HEATR3: variants seen among roughly 807,000 people sequenced by gnomAD.
HEATR3 encodes HEAT repeat containing 3.
Under a neutral mutation model 72.8 loss-of-function variants are expected in HEATR3, and 56 were observed. The observed-to-expected ratio is 0.77, with a 90% CI of 0.62 to 0.96. HEATR3 has a LOEUF of 0.96. Ranked by LOEUF, HEATR3 falls within the 40% of genes least tolerant of loss-of-function variation. The pLI is 0.00. For missense variants in HEATR3, 747 were observed against 831.4 expected (o/e 0.90, Z 1.25); for synonymous variants, 331 against 318.1 (o/e 1.04, Z -0.43).
At chr16:50,100,630 G>C (rs2037345330) in intron 13 of HEATR3, 1 of 422,356 alleles carries the variant, frequency 2.4e-6, no homozygotes, top group African/African-American at 2.1e-5. Context: ...AAATAAATCT[G>C]TCTTTAGTGA....
Position 50,066,065 on chromosome 16 carries a change from G to C in HEATR3, c.-67G>C. The C allele has an allele frequency of 1.3e-6, 2 of 1,511,792 alleles. No homozygotes were observed. The highest frequency in any genetic ancestry group is 1.8e-6 in the Non-Finnish European group (2 of 1,126,484). 93.6% of individuals were successfully genotyped at this position (1,511,792 alleles called of 1,614,324 possible). A position where few individuals can be genotyped will look rare whatever the true frequency, so the allele number is the denominator to read the frequency against. On this transcript the variant is annotated 5_prime_UTR_variant, in exon 1 of 15. Transcript: ENST00000299192. ...AGCAGCAACGGACCTTGTTAACGGCGCGGCAGCCTCCACCGCCTGCTGTTG... is the reference window on the plus strand; with the variant it reads ...AGCAGCAACGGACCTTGTTAACGGCCCGGCAGCCTCCACCGCCTGCTGTTG...
chr16:50,094,038 C>T (rs1299284687), intron 11 of HEATR3, among the ~76,000 whole-genome samples: 1 of 152,170 alleles, frequency 6.6e-6, no homozygotes, highest in Non-Finnish European at 1.5e-5. Context: ...ATACAGTCTA[C>T]CACACCAAGC....
At chr16:50,089,829 C>T (rs1475467137) in intron 11 of HEATR3, among the ~76,000 whole-genome samples, 5 of 151,884 alleles carry the variant, frequency 3.3e-5, no homozygotes, top group Non-Finnish European at 4.4e-5. Flanking sequence ...CCAATGCGCC[C>T]AGCTAATTTT....
chr16:50,092,436 C>CTTTTTT (rs375532097), intron 11 of HEATR3, among the ~76,000 whole-genome samples: 35 of 106,024 alleles, frequency 3.3e-4, no homozygotes, highest in African/African-American at 1.1e-3. Context: ...TTTCTTTTTT[C>CTTTTTT]TTTTTTTTTT....
intron 12 of HEATR3, among the ~76,000 whole-genome samples, chr16:50,099,767 A>G (rs373633423): frequency 6.0e-4 from 92 of 152,340 alleles, no homozygotes; most frequent in African/African-American, 1.9e-3. Flanking sequence ...TATCCACTAC[A>G]TGGTAGAAGC....
At chr16:50,101,623 T>C (rs2037367716) in intron 13 of HEATR3, among the ~76,000 whole-genome samples, 1 of 152,354 alleles carries the variant, frequency 6.6e-6, no homozygotes, top group Non-Finnish European at 1.5e-5. Context: ...TTGTCCAATA[T>C]AGTGTCCAAA....
intron 12 of HEATR3, 68 bp downstream of exon 12, chr16:50,094,861 C>A: frequency 1.3e-6 from 1 of 798,336 alleles, no homozygotes; most frequent in Non-Finnish European, 2.0e-6. Context: ...AAATTCATTA[C>A]TTCACTATTT....
intron 11 of HEATR3, among the ~76,000 whole-genome samples, chr16:50,092,648 A>G (rs573421023): frequency 6.6e-6 from 1 of 151,450 alleles, no homozygotes; most frequent in East Asian, 2.0e-4. Flanking sequence ...TCACCGTGTT[A>G]GCCAGGGATG....
intron 11 of HEATR3, among the ~76,000 whole-genome samples, chr16:50,089,942 G>A (rs2037072571): frequency 1.3e-5 from 2 of 152,122 alleles, no homozygotes; most frequent in South Asian, 4.2e-4. Context: ...TGGGATTACA[G>A]GCATGAGCCA....
intron 12 of HEATR3, 119 bp from the exon 13 acceptor site, chr16:50,100,111 T>G: frequency 4.4e-6 from 4 of 916,178 alleles, no homozygotes; most frequent in Non-Finnish European, 6.4e-6. Flanking sequence ...TGCCAGGAGT[T>G]TATGTCACTC....
Position 50,105,085 on chromosome 16 carries a change from C to A in HEATR3, c.*24C>A. The A allele has an allele frequency of 1.2e-6, 2 of 1,605,506 alleles. No individual in the cohort carries two copies. The highest frequency in any genetic ancestry group is 8.5e-7 in the Non-Finnish European group (1 of 1,176,666). ...AAACAATCCAAAAAAGAAACCAGTT[C>A]TTCCCCCAAAGTATTCAATGCTTAG... On this transcript the variant is annotated 3_prime_UTR_variant, in exon 15 of 15. Coordinates refer to ENST00000299192, the MANE Select transcript of HEATR3 (RefSeq NM_182922.4).
intron 6 of HEATR3, among the ~76,000 whole-genome samples, chr16:50,077,793 T>C (rs901416715): frequency 2.3e-4 from 35 of 152,280 alleles, no homozygotes; most frequent in Admixed American, 2.0e-3. Flanking sequence ...CCACATTTTG[T>C]TGATCTCTTC....
At chr16:50,096,324 C>CAAAAAAAAAAAAAA (rs59995532) in intron 12 of HEATR3, among the ~76,000 whole-genome samples, 8 of 86,816 alleles carry the variant, frequency 9.2e-5, no homozygotes, top group Admixed American at 1.4e-4. Context: ...GACTCCGTCT[C>CAAAAAAAAAAAAAA]AAAAAAAAAA....
chr16:50,082,210 G>T (rs2036882378), intron 7 of HEATR3, among the ~76,000 whole-genome samples: 1 of 152,082 alleles, frequency 6.6e-6, no homozygotes. Context: ...GAGAATGGTG[G>T]TGCATGCCTG....
intron 7 of HEATR3, among the ~76,000 whole-genome samples, chr16:50,081,598 A>T (rs1364623592): frequency 6.6e-6 from 1 of 152,224 alleles, no homozygotes; most frequent in Non-Finnish European, 1.5e-5. Flanking sequence ...TTAACATGCT[A>T]GTCGGTCAGC....
intron 2 of HEATR3, 37 bp from the exon 3 acceptor site, chr16:50,068,743 A>G (rs757988905): frequency 6.9e-7 from 1 of 1,440,172 alleles, no homozygotes; most frequent in Non-Finnish European, 9.8e-7. Flanking sequence ...GTGACATGTG[A>G]TGTGAAAGTA....
chr16:50,086,331 A>G lies in HEATR3; in HGVS notation c.1490A>G (p.Gln497Arg), dbSNP rs1567437897. The change falls in exon 11 of 15, where the codon CAG becomes CGG. Residue 497 changes from glutamine to arginine, a missense_variant. Physicochemically the swap from Gln to Arg is conservative, Grantham distance 43. Coordinates refer to ENST00000299192, the MANE Select transcript of HEATR3 (RefSeq NM_182922.4). ...ALQTLAQHLSQLLFSQPDFAK... is the reference protein window; with the variant it reads ...ALQTLAQHLSRLLFSQPDFAK... ...CAGACGCTTGCACAGCATCTGTCAC[A>G]GCTGCTTTTTTCTCAACCAGGTATT... The G allele has an allele frequency of 4.4e-6, 7 of 1,601,904 alleles. No homozygotes were observed. The highest frequency in any genetic ancestry group is 5.1e-6 in the Non-Finnish European group (6 of 1,174,188).
intron 2 of HEATR3, among the ~76,000 whole-genome samples, chr16:50,067,636 C>T (rs1383911272): frequency 6.6e-6 from 1 of 152,088 alleles, no homozygotes; most frequent in African/African-American, 2.4e-5. Context: ...AGGGAAGTGA[C>T]ATGCTGCAAC....
Position 50,084,579 on chromosome 16 carries a change from A to G in HEATR3, c.1301A>G (p.Lys434Arg). 1 of 1,611,738 alleles carries G rather than the reference A, an allele frequency of 6.2e-7. No homozygotes were observed. Residue 434 changes from lysine (K) to arginine (R), a missense_variant, in exon 10 of 15, where the codon AAA (lysine) becomes AGA (arginine). Around this residue, in one of 2 missense-constraint regions of HEATR3, gnomAD observed 586 missense variants for 708.8 expected, o/e 0.83. Coordinates refer to ENST00000299192, the MANE Select transcript of HEATR3 (RefSeq NM_182922.4). ...CTCTTTTAAATCTAGATTTTTGAGA[A>G]AACTGCCTTTCCAAACAGCATTGCA... is the stretch of plus-strand genomic sequence containing the variant. ...NYLIPKKIFE[K>R]TAFPNSIAVD...
Sources: gnomAD v4.1 joint callset for allele counts (sites outside exome capture counted in the v4.1 genomes callset) on GRCh38, gnomAD v4.1.1 for gene constraint, gnomAD v4.1.1 regional missense constraint, MANE v1.5 for transcripts, NCBI Gene and HGNC (gene_info 2026-07-23, HGNC 2026-07-21) for gene names.